Variants in DHCR7 observed in about 807,000 individuals in gnomAD.
DHCR7 encodes 7-DHC reductase.
In DHCR7, 40 loss-of-function variants were observed where a neutral mutation model predicts 43.3. That is an observed-to-expected ratio of 0.92 (90% CI 0.72 to 1.20). The LOEUF is 1.20. Among genes scored for constraint, DHCR7 ranks in the 50% most tolerant of loss-of-function variants. DHCR7 has a pLI of 0.00. For synonymous variants in DHCR7, 298 were observed against 271.4 expected (o/e 1.10, Z -0.96); for missense variants, 608 against 644.6 (o/e 0.94, Z 0.62).
intron 2 of DHCR7, among the ~76,000 whole-genome samples, chr11:71,446,593 T>C (rs1434395566): frequency 6.6e-6 from 1 of 152,268 alleles, no homozygotes; most frequent in African/African-American, 2.4e-5. Context: ...AGAGTATTTC[T>C]TCTGAAGCCT....
At chr11:71,438,636 T>C in intron 7 of DHCR7, 1 of 588,478 alleles carries the variant, frequency 1.7e-6, no homozygotes, top group Non-Finnish European at 3.0e-6. Flanking sequence ...AGGGAGACCT[T>C]CCTGGACCAC....
chr11:71,448,736 C>T (rs1949432577), upstream of DHCR7: 1 of 152,322 alleles, frequency 6.6e-6, no homozygotes, highest in Non-Finnish European at 1.5e-5. Flanking sequence ...CCTCAGTTTC[C>T]CCCTCGGCAA....
At chr11:71,438,797 T>C (rs1010024423) in intron 7 of DHCR7, 82 bp downstream of exon 7, 1 of 1,419,548 alleles carries the variant, frequency 7.0e-7, no homozygotes, top group Non-Finnish European at 9.8e-7. Context: ...TAGATTAAGG[T>C]CATGGGAATA....
rs1157736816 is a variant in DHCR7, at chr11:71,435,819, G to A, written c.984C>T (p.His328=). 1 of 1,604,572 alleles carries A rather than the reference G, an allele frequency of 6.2e-7. No individual in the cohort carries two copies. Among genetic ancestry groups the A allele is most frequent in the South Asian group, 1.1e-5 (1 of 90,822 alleles). Residue 328 remains histidine (H), a synonymous_variant, in exon 9 of 9, where the codon CAC becomes CAT. Coordinates refer to ENST00000355527, the MANE Select transcript of DHCR7 (RefSeq NM_001360.3). ...CGTGCGGGGTGGACAGCTGCACGGG[G>A]TGGTACACCAAGTACAGACCCTGGG... is the stretch of plus-strand genomic sequence containing the variant. ...YTLQGLYLVY[H]PVQLSTPHAV...
upstream of DHCR7, chr11:71,448,454 C>G (rs1453409461): frequency 6.6e-6 from 1 of 152,358 alleles, no homozygotes; most frequent in Admixed American, 6.5e-5. Flanking sequence ...GAGGCGGACC[C>G]TGCACGCCCG....
intron 2 of DHCR7, among the ~76,000 whole-genome samples, chr11:71,445,310 G>A (rs1289314532): frequency 1.3e-5 from 2 of 152,214 alleles, no homozygotes; most frequent in African/African-American, 2.4e-5. Context: ...GAACACAGGG[G>A]TCTTCACTCA....
intron 4 of DHCR7, among the ~76,000 whole-genome samples, chr11:71,443,371 G>C (rs1949368033): frequency 6.6e-6 from 1 of 152,184 alleles, no homozygotes; most frequent in Non-Finnish European, 1.5e-5. Flanking sequence ...CGCCCAGGAA[G>C]GAAAACCCAG....
downstream of DHCR7, among the ~76,000 whole-genome samples, chr11:71,430,882 C>A (rs536436354): frequency 6.6e-6 from 1 of 152,186 alleles, no homozygotes; most frequent in Admixed American, 6.5e-5. Flanking sequence ...AGGCTGGGCA[C>A]GGTGGCTCAC....
downstream of DHCR7, among the ~76,000 whole-genome samples, chr11:71,429,991 G>A (rs766144806): frequency 7.9e-5 from 12 of 152,152 alleles, no homozygotes; most frequent in African/African-American, 2.2e-4. Context: ...CAGTCACTGC[G>A]GTCTTGGTCT....
downstream of DHCR7, among the ~76,000 whole-genome samples, chr11:71,427,944 TACTATTTGTACA>T (rs981849194): frequency 3.9e-5 from 6 of 152,148 alleles, no homozygotes; most frequent in African/African-American, 1.4e-4. Flanking sequence ...CCAAAAGGCA[TACTATTTGTACA>T]ACAGTCTAGG....
chr11:71,435,411 G>A lies in DHCR7; in HGVS notation c.1392C>T (p.Ala464=), dbSNP rs368281869. Residue 464 remains alanine, a synonymous_variant, in exon 9 of 9, where the codon GCC becomes GCT. Coordinates refer to ENST00000355527, the MANE Select transcript of DHCR7 (RefSeq NM_001360.3). ...KYGRDWERYT[A]AVPYRLLPGI... is the part of the protein sequence containing the mutation. The stretch of plus-strand genomic sequence containing the variant: ...CAGGCAGCAGGCGGTAAGGCACTGC[G>A]GCGGTGTAGCGCTCCCAGTCCCGGC... 6 of 1,612,506 alleles carry A rather than the reference G, an allele frequency of 3.7e-6. No homozygotes were observed. The highest frequency in any genetic ancestry group is 3.3e-5 in the South Asian group (3 of 91,092).
At position 71,434,894 on chromosome 11, in the gene DHCR7, C is replaced by A. The variant is rs966022889; in HGVS notation, c.*481G>T. The A allele has an allele frequency of 1.1e-5, 4 of 356,682 alleles. No individual in the cohort carries two copies. The highest frequency in any genetic ancestry group is 2.2e-5 in the Non-Finnish European group (4 of 180,582). The allele number at this position is 356,682 out of a possible 1,614,324, so 22.1% of individuals were successfully genotyped here. On this transcript the variant is annotated 3_prime_UTR_variant, in exon 9 of 9. Transcript: ENST00000355527. Reference sequence around the variant, plus strand: ...AGAAACGGCGCACGGGCCCCACCCACGACTGCAGAGCAGGCAGGGGAGGGG... The same window carrying A: ...AGAAACGGCGCACGGGCCCCACCCAAGACTGCAGAGCAGGCAGGGGAGGGG...
downstream of DHCR7, chr11:71,434,387 A>C (rs1210897548): frequency 6.5e-6 from 1 of 153,752 alleles, no homozygotes; most frequent in Non-Finnish European, 1.4e-5. Flanking sequence ...AGGCCCATTC[A>C]CCAGTCAGAA....
At chr11:71,439,997 AC>A (rs779256721) in intron 6 of DHCR7, among the ~76,000 whole-genome samples, 13 of 152,194 alleles carry the variant, frequency 8.5e-5, no homozygotes, top group African/African-American at 2.4e-4. Flanking sequence ...CCACAAGAGA[AC>A]CCCCCAAACA....
In DHCR7 at chr11:71,435,360, C is replaced by A; in HGVS notation, c.*15G>T. ...CTCTTGACAGCCCCACAGGGCTTCT[C>A]CCTAGGGCGTGCCCTTAGAAGATTC... On this transcript the variant is annotated 3_prime_UTR_variant, in exon 9 of 9. Coordinates refer to ENST00000355527, the MANE Select transcript of DHCR7 (RefSeq NM_001360.3). The A allele has an allele frequency of 6.2e-7, 1 of 1,610,280 alleles. No individual in the cohort carries two copies. The highest frequency in any genetic ancestry group is 1.1e-5 in the South Asian group (1 of 91,058).
intron 8 of DHCR7, among the ~76,000 whole-genome samples, chr11:71,436,266 G>A (rs2135940508): frequency 6.6e-6 from 1 of 152,270 alleles, no homozygotes; most frequent in South Asian, 2.1e-4. Flanking sequence ...AGTCAACCAG[G>A]CAGAGTGGAT....
chr11:71,440,652 T>C (rs955764986), intron 6 of DHCR7, among the ~76,000 whole-genome samples: 3 of 129,344 alleles, frequency 2.3e-5, no homozygotes, highest in Non-Finnish European at 4.8e-5. Flanking sequence ...GATGCATTGG[T>C]GGGTGGGTGA....
At chr11:71,441,519 C>A (rs1358607972) in intron 5 of DHCR7, 79 bp from the exon 6 acceptor site, 1 of 1,268,216 alleles carries the variant, frequency 7.9e-7, no homozygotes, top group Non-Finnish European at 1.1e-6. Flanking sequence ...GCATGCCTGG[C>A]GGGGGCCCTG....
At position 71,441,332 on chromosome 11, in the gene DHCR7, A is replaced by G. The variant is rs769218623; in HGVS notation, c.521T>C (p.Phe174Ser). 5.0e-6 allele frequency: 8 copies of G among 1,614,090 alleles called. No homozygotes were observed. In the Admixed American group the frequency reaches 1.2e-4, roughly 24 times the overall value. The change falls in exon 6 of 9, where the codon TTC (phenylalanine) becomes TCC (serine). Residue 174 changes from phenylalanine to serine, a missense_variant. Coordinates refer to ENST00000355527, the MANE Select transcript of DHCR7 (RefSeq NM_001360.3). Reference protein sequence around the residue: ...LLSWFSPTIIFDNWIPLLWCA... With the variant: ...LLSWFSPTIISDNWIPLLWCA... ...CCACAGCAGTGGGATCCAGTTGTCG[A>G]AGATGATGGTGGGCGAGAACCAGGA...
Sources: allele counts gnomAD v4.1 joint callset (sites outside exome capture counted in the v4.1 genomes callset), GRCh38; gene constraint gnomAD v4.1.1; transcripts MANE v1.5; gene names NCBI Gene and HGNC (gene_info 2026-07-23, HGNC 2026-07-21).